The following PCDHA12 variants were observed in gnomAD, a reference collection of about 807,000 sequenced individuals.
PCDHA12 encodes the protein protocadherin alpha 12, also known as protocadherin alpha-12.
In PCDHA12, 44 loss-of-function variants were observed where a neutral mutation model predicts 60.0. The ratio of observed to expected loss-of-function variants is 0.73; its 90% CI spans 0.58 to 0.94. The LOEUF (loss-of-function observed/expected upper bound fraction) is 0.94. Ranked by LOEUF, PCDHA12 falls within the 40% of genes least tolerant of loss-of-function variation. The pLI is 0.00. For missense variants in PCDHA12, 1,276 were observed against 1,239.7 expected (o/e 1.03, Z -0.44); for synonymous variants, 569 against 553.0 (o/e 1.03, Z -0.40).
intron 1 of PCDHA12, chr5:140,968,943 T>G (rs1429261485): frequency 1.2e-6 from 2 of 1,614,128 alleles, no homozygotes; most frequent in Non-Finnish European, 1.7e-6. Context: ...ATCATCATTT[T>G]GAGCATCATC....
rs550398364 is a variant in PCDHA12, at chr5:140,897,290, G to A, written c.2367+19451G>A. Among the ~76,000 whole-genome samples the A allele has an allele frequency of 1.2e-4, 18 of 150,778 alleles. No homozygotes were observed. In the East Asian group the frequency reaches 1.4e-3, roughly 11 times the overall value. On this transcript the variant is annotated intron_variant, in intron 1 of 3. Coordinates refer to ENST00000398631, the MANE Select transcript of PCDHA12 (RefSeq NM_018903.4). ...GCTGGTGTGCTGCACCCATTAACTC[G>A]TCATTTAGCATTAGGTATATCTCCT...
chr5:140,927,235 C>T (rs1478545930), intron 1 of PCDHA12: 7 of 1,614,034 alleles, frequency 4.3e-6, no homozygotes, highest in Non-Finnish European at 5.9e-6. Flanking sequence ...GATTCACGTC[C>T]TGGACACCAA....
intron 3 of PCDHA12, among the ~76,000 whole-genome samples, chr5:141,003,237 T>G (rs1357530548): frequency 6.6e-6 from 1 of 152,228 alleles, no homozygotes; most frequent in Non-Finnish European, 1.5e-5. Flanking sequence ...CTGGAAATTT[T>G]GCCAAAAAGA....
chr5:140,928,854 G>A (rs2085594573), intron 1 of PCDHA12: 1 of 1,614,178 alleles, frequency 6.2e-7, no homozygotes, highest in Non-Finnish European at 8.5e-7. Context: ...CTCTGGGTGT[G>A]CTGTTGAGCA....
chr5:140,981,881 C>T lies in PCDHA12; in HGVS notation c.2427-594C>T, dbSNP rs138571007. Among the ~76,000 whole-genome samples the T allele has an allele frequency of 4.1e-3, 622 of 152,270 alleles. 4 individuals carry two copies. Among genetic ancestry groups the T allele is most frequent in the African/African-American group, 0.014 (590 of 41,550 alleles). ...CAGCAATGTTTTATGCTGAATTAAT[C>T]TCTTCTGAGCGGGGATCTGTGAGTG... On this transcript the variant is annotated intron_variant, in intron 2 of 3. Transcript: ENST00000398631.
intron 3 of PCDHA12, among the ~76,000 whole-genome samples, chr5:140,994,342 T>C (rs571225967): frequency 1.3e-5 from 2 of 152,288 alleles, no homozygotes; most frequent in South Asian, 4.1e-4. Flanking sequence ...ACAGTGGATG[T>C]TGTGGGACCT....
intron 1 of PCDHA12, among the ~76,000 whole-genome samples, chr5:140,908,047 C>T (rs976734426): frequency 4.6e-5 from 7 of 152,208 alleles, no homozygotes; most frequent in African/African-American, 1.7e-4. Context: ...AATTGCACAT[C>T]CGGCCATTTC....
At chr5:140,915,995 C>T (rs1256886751) in intron 1 of PCDHA12, among the ~76,000 whole-genome samples, 4 of 152,180 alleles carry the variant, frequency 2.6e-5, no homozygotes, top group African/African-American at 4.8e-5. Context: ...TAAGCTGGCA[C>T]TCAAACCACA....
At chr5:140,997,849 T>C (rs1554256029) in intron 3 of PCDHA12, among the ~76,000 whole-genome samples, 1 of 152,208 alleles carries the variant, frequency 6.6e-6, no homozygotes, top group African/African-American at 2.4e-5. Flanking sequence ...TACATTCTTA[T>C]ACATATTTCT....
At chr5:140,954,948 G>A (rs1163066790) in intron 1 of PCDHA12, among the ~76,000 whole-genome samples, 2 of 152,204 alleles carry the variant, frequency 1.3e-5, no homozygotes, top group Non-Finnish European at 1.5e-5. Flanking sequence ...GTTAATTTTT[G>A]TATAAGATGT....
intron 1 of PCDHA12, among the ~76,000 whole-genome samples, chr5:140,973,301 A>C (rs1469183006): frequency 1.3e-5 from 2 of 152,034 alleles, no homozygotes; most frequent in Admixed American, 6.6e-5. Context: ...CTATCTGATG[A>C]CTCTATCCTG....
At chr5:140,985,684 C>T (rs2097164164) in intron 3 of PCDHA12, among the ~76,000 whole-genome samples, 1 of 151,578 alleles carries the variant, frequency 6.6e-6, no homozygotes, top group Non-Finnish European at 1.5e-5. Flanking sequence ...CTGCCTTACG[C>T]TAATCCTCGT....
Position 140,875,313 on chromosome 5 carries a change from C to T in PCDHA12, c.-160C>T. On this transcript the variant is annotated 5_prime_UTR_variant, in exon 1 of 4. Coordinates refer to ENST00000398631, the MANE Select transcript of PCDHA12 (RefSeq NM_018903.4). ...AAATTTTTTTCTCCGCACCCACATT[C>T]CAATCATTCACGGAATAGGATCGAC... 3 of 1,425,730 alleles carry T rather than the reference C, an allele frequency of 2.1e-6. No individual in the cohort carries two copies. Among genetic ancestry groups the T allele is most frequent in the Non-Finnish European group, 9.1e-7 (1 of 1,093,096 alleles). The allele number at this position is 1,425,730 out of a possible 1,614,324, so 88.3% of individuals were successfully genotyped here.
intron 1 of PCDHA12, among the ~76,000 whole-genome samples, chr5:140,961,519 A>G (rs246002): frequency 0.56 from 85,694 of 152,068 alleles, 24,757 homozygotes; most frequent in African/African-American, 0.69. Flanking sequence ...ATGTCTCCAC[A>G]AATTCTAGAT....
intron 3 of PCDHA12, among the ~76,000 whole-genome samples, chr5:140,997,668 T>TTGTGTGTGTGTGTGTGTGTG (rs35184029): frequency 6.7e-6 from 1 of 148,244 alleles, no homozygotes; most frequent in African/African-American, 2.5e-5. Context: ...ATTATACAGC[T>TTGTGTGTGTGTGTGTGTGTG]TGTGTGTGTG....
intron 1 of PCDHA12, chr5:140,929,179 G>C: frequency 6.2e-7 from 1 of 1,614,104 alleles, no homozygotes. Context: ...TCTGGGACTT[G>C]GTTCTGATAA....
intron 3 of PCDHA12, among the ~76,000 whole-genome samples, chr5:141,007,259 G>A (rs2098311634): frequency 6.6e-6 from 1 of 151,998 alleles, no homozygotes; most frequent in Non-Finnish European, 1.5e-5. Flanking sequence ...GTTAAAAGAA[G>A]CAGATACAGG....
chr5:140,968,719 G>C lies in PCDHA12; in HGVS notation c.2368-10230G>C. The C allele has an allele frequency of 1.9e-6, 3 of 1,614,148 alleles. No homozygotes were observed. Among genetic ancestry groups the C allele is most frequent in the African/African-American group, 1.3e-5 (1 of 75,038 alleles). ...GGACTACCAGGAAGATGGGAGATGA[G>C]AGTGGTAGCACTTTCAACCTGACCG... On this transcript the variant is annotated intron_variant, in intron 1 of 3. Transcript: ENST00000398631.
At chr5:140,884,530 G>A in intron 1 of PCDHA12, 1 of 1,614,062 alleles carries the variant, frequency 6.2e-7, no homozygotes, top group South Asian at 1.1e-5. Context: ...CGCAGCAGAG[G>A]CGGCCGAGGG....
Sources: gnomAD v4.1 joint callset for allele counts (sites outside exome capture counted in the v4.1 genomes callset) on GRCh38, gnomAD v4.1.1 for gene constraint, MANE v1.5 for transcripts, NCBI Gene and HGNC (gene_info 2026-07-23, HGNC 2026-07-21) for gene names.